ARHGAP24: variants seen among roughly 807,000 people sequenced by gnomAD.
ARHGAP24 encodes Rho GTPase activating protein 24.
ARHGAP24 carries 50 observed loss-of-function variants against 76.4 expected under a neutral mutation model. That is an observed-to-expected ratio of 0.65 (90% CI 0.52 to 0.83). The LOEUF (loss-of-function observed/expected upper bound fraction) is 0.83. ARHGAP24 is among the 40% of genes least tolerant of loss of function. The pLI, the probability that ARHGAP24 is intolerant of heterozygous loss-of-function variation, is 0.00. For synonymous variants in ARHGAP24, 345 were observed against 323.3 expected (o/e 1.07, Z -0.72); for missense variants, 930 against 914.2 (o/e 1.02, Z -0.22).
intron 2 of ARHGAP24, among the ~76,000 whole-genome samples, chr4:85,716,220 T>C (rs1288579021): frequency 6.6e-6 from 1 of 152,080 alleles, no homozygotes; most frequent in Non-Finnish European, 1.5e-5. Context: ...CCCCAATCTC[T>C]TGTGGTTTTG....
intron 1 of ARHGAP24, among the ~76,000 whole-genome samples, chr4:85,552,971 C>T (rs1472065231): frequency 6.6e-6 from 1 of 152,048 alleles, no homozygotes; most frequent in African/African-American, 2.4e-5. Flanking sequence ...AAGCCGCAGA[C>T]CCTTGCAGCG....
chr4:85,661,563 T>A (rs1028993659), intron 2 of ARHGAP24, among the ~76,000 whole-genome samples: 3 of 152,130 alleles, frequency 2.0e-5, no homozygotes, highest in Non-Finnish European at 2.9e-5. Flanking sequence ...CATGTGCACA[T>A]TGTGCAGGTT....
chr4:85,854,135 C>CAAAAAAAAAA (rs35799327), intron 3 of ARHGAP24, among the ~76,000 whole-genome samples: 257 of 85,214 alleles, frequency 3.0e-3, no homozygotes, highest in Non-Finnish European at 3.7e-3. Flanking sequence ...GACTCTGTCT[C>CAAAAAAAAAA]AAAAAAAAAA....
intron 2 of ARHGAP24, among the ~76,000 whole-genome samples, chr4:85,609,658 A>T (rs1720315489): frequency 1.3e-5 from 2 of 152,122 alleles, no homozygotes; most frequent in Non-Finnish European, 1.5e-5. Context: ...GCATTCCTTC[A>T]TGACTAAGTT....
At chr4:85,662,602 T>A (rs1341794975) in intron 2 of ARHGAP24, among the ~76,000 whole-genome samples, 1 of 151,878 alleles carries the variant, frequency 6.6e-6, no homozygotes, top group Non-Finnish European at 1.5e-5. Context: ...CATGCCTATG[T>A]CCTGAATGGT....
chr4:85,912,894 T>C (rs769185923), intron 3 of ARHGAP24, among the ~76,000 whole-genome samples: 12 of 152,142 alleles, frequency 7.9e-5, no homozygotes, highest in Non-Finnish European at 1.6e-4. Flanking sequence ...ATGTTTTCTG[T>C]ATTTGTAAAG....
At chr4:85,546,980 C>T (rs1458441816) in intron 1 of ARHGAP24, among the ~76,000 whole-genome samples, 1 of 151,868 alleles carries the variant, frequency 6.6e-6, no homozygotes, top group Non-Finnish European at 1.5e-5. Flanking sequence ...ATCCCTTTAC[C>T]CATAAATTCT....
At chr4:85,605,512 G>A (rs377478679) in intron 2 of ARHGAP24, among the ~76,000 whole-genome samples, 1 of 152,242 alleles carries the variant, frequency 6.6e-6, no homozygotes, top group East Asian at 1.9e-4. Context: ...CTTCATATAT[G>A]GGAATGATTA....
At chr4:85,997,371 TATAGATAGA>T (rs1740732669) in intron 9 of ARHGAP24, among the ~76,000 whole-genome samples, 1 of 147,522 alleles carries the variant, frequency 6.8e-6, no homozygotes, top group Admixed American at 6.7e-5. Context: ...AGATGATAGA[TATAGATAGA>T]TAGATAGATA....
intron 3 of ARHGAP24, among the ~76,000 whole-genome samples, chr4:85,791,354 A>G (rs1256602757): frequency 1.3e-5 from 2 of 152,236 alleles, no homozygotes; most frequent in African/African-American, 4.8e-5. Flanking sequence ...GATAAGAGGT[A>G]CAAACGTAAA....
Position 85,710,927 on chromosome 4 carries a change from T to C in ARHGAP24, c.181-10958T>C, listed in dbSNP as rs150021812. 9.3e-4 allele frequency among the ~76,000 whole-genome samples: 142 copies of C among 152,220 alleles called. 1 individual carries two copies. Among genetic ancestry groups the C allele is most frequent in the African/African-American group, 3.2e-3 (132 of 41,542 alleles). Reference sequence around the variant, plus strand: ...TATGTACACAAAGGAAGATTAATCATTCTGTCATAAAGACAATACATGTGT... The same window carrying C: ...TATGTACACAAAGGAAGATTAATCACTCTGTCATAAAGACAATACATGTGT... On this transcript the variant is annotated intron_variant, in intron 2 of 9. Transcript: ENST00000395184.
At chr4:85,477,660 T>G (rs1480140980) in intron 1 of ARHGAP24, among the ~76,000 whole-genome samples, 1 of 152,050 alleles carries the variant, frequency 6.6e-6, no homozygotes, top group Non-Finnish European at 1.5e-5. Context: ...TGGTGATGAG[T>G]AGTCCGAGTA....
intron 3 of ARHGAP24, among the ~76,000 whole-genome samples, chr4:85,874,786 A>T (rs6813742): frequency 0.74 from 13,572 of 18,280 alleles, 4,786 homozygotes; most frequent in Middle Eastern, 0.84. Context: ...AAATATATTT[A>T]TATATAATTT....
intron 1 of ARHGAP24, among the ~76,000 whole-genome samples, chr4:85,487,587 TATAA>T (rs1177533523): frequency 9.3e-6 from 1 of 108,008 alleles, no homozygotes; most frequent in Non-Finnish European, 1.6e-5. Context: ...TTACATATTA[TATAA>T]ATATATATTT....
chr4:85,972,208 G>T, intron 6 of ARHGAP24, 40 bp downstream of exon 6: 1 of 1,609,876 alleles, frequency 6.2e-7, no homozygotes, highest in African/African-American at 1.3e-5. Flanking sequence ...CTTTTGTTTG[G>T]AATTTTTTTC....
intron 2 of ARHGAP24, among the ~76,000 whole-genome samples, chr4:85,600,655 T>C (rs1720000654): frequency 6.6e-6 from 1 of 152,238 alleles, no homozygotes; most frequent in Non-Finnish European, 1.5e-5. Context: ...AGTATTTTCA[T>C]AATCCAGGAA....
chr4:85,733,113 G>A (rs1171873674), intron 3 of ARHGAP24, among the ~76,000 whole-genome samples: 1 of 110,954 alleles, frequency 9.0e-6, no homozygotes, highest in African/African-American at 3.4e-5. Flanking sequence ...ACCCAGGCTG[G>A]AATGCAGTGG....
intron 4 of ARHGAP24, among the ~76,000 whole-genome samples, chr4:85,937,933 G>T (rs186128637): frequency 1.4e-4 from 22 of 152,294 alleles, no homozygotes; most frequent in Admixed American, 1.4e-3. Context: ...GTCTAAGAAG[G>T]TTTAGATTCA....
At chr4:85,857,925 G>A (rs924277808) in intron 3 of ARHGAP24, among the ~76,000 whole-genome samples, 16 of 152,040 alleles carry the variant, frequency 1.1e-4, no homozygotes, top group Admixed American at 1.3e-4. Context: ...TATTAATTCT[G>A]AGTCCATGAT....
Sources: allele counts gnomAD v4.1 joint callset (sites outside exome capture counted in the v4.1 genomes callset), GRCh38; gene constraint gnomAD v4.1.1; transcripts MANE v1.5; gene names NCBI Gene and HGNC (gene_info 2026-07-23, HGNC 2026-07-21).